HUWE1: variants seen among roughly 807,000 people sequenced by gnomAD.
HUWE1 encodes HECT, UBA and WWE domain containing E3 ubiquitin protein ligase 1, also known as E3 ubiquitin-protein ligase HUWE1.
In HUWE1, 18 loss-of-function variants were observed where a neutral mutation model predicts 299.4. The observed-to-expected ratio is 0.06, with a 90% confidence interval of 0.04 to 0.09. The LOEUF (loss-of-function observed/expected upper bound fraction) is 0.09, where lower values mean the gene tolerates loss of function less well. HUWE1 is among the 10% of genes least tolerant of loss of function. The pLI is 1.00. For synonymous variants in HUWE1, 1,317 were observed against 1,286.1 expected (o/e 1.02, Z -0.51); for missense variants, 1,832 against 3,462.3 (o/e 0.53, Z 11.82).
chrX:53,568,104 G>A (rs1307316576), intron 49 of HUWE1, among the ~76,000 whole-genome samples: 1 of 112,173 alleles, frequency 8.9e-6, no homozygotes, highest in African/African-American at 3.2e-5. Flanking sequence ...TTTAGAATAA[G>A]AGAGATTCAG....
intron 48 of HUWE1, 61 bp from the exon 49 acceptor site, chrX:53,568,935 T>C: frequency 1.0e-6 from 1 of 994,187 alleles, no homozygotes; most frequent in Admixed American, 2.6e-5. Flanking sequence ...GGCCAAGTCT[T>C]CACAAAATAG....
At chrX:53,583,274 C>T (rs1450039091) in intron 42 of HUWE1, among the ~76,000 whole-genome samples, 4 of 100,847 alleles carry the variant, frequency 4.0e-5, no homozygotes, top group African/African-American at 1.1e-4. Context: ...TCTTTACTAA[C>T]GGTTTTTGGC....
chrX:53,577,038 T>C lies in HUWE1; in HGVS notation c.5746A>G (p.Ile1916Val), dbSNP rs1556959446. The C allele has an allele frequency of 8.3e-7, 1 of 1,207,276 alleles. No homozygotes were observed. Among genetic ancestry groups the C allele is most frequent in the African/African-American group, 1.8e-5 (1 of 56,934 alleles). Reference protein sequence around the residue: ...ASDDEFENLRIKGPNAVQLVK... With the variant: ...ASDDEFENLRVKGPNAVQLVK... ...AGCTGTACAGCATTAGGGCCTTTAA[T>C]TCTAAGATTCTCAAATTCATCATCT... is the stretch of plus-strand genomic sequence containing the variant. Residue 1916 changes from isoleucine (I) to valine (V), a missense_variant, in exon 44 of 84, where the codon ATT becomes GTT. Ile to Val is a conservative substitution (Grantham distance 29, BLOSUM62 3). Coordinates refer to ENST00000262854, the MANE Select transcript of HUWE1 (RefSeq NM_031407.7).
chrX:53,648,530 C>CAAAAAAAA (rs1235327907), intron 4 of HUWE1, among the ~76,000 whole-genome samples: 1 of 94,743 alleles, frequency 1.1e-5, no homozygotes, highest in African/African-American at 4.5e-5. Context: ...GCTTAAAAAA[C>CAAAAAAAA]AAAAAAAAAC....
intron 2 of HUWE1, chrX:53,683,871 T>A: frequency 1.0e-5 from 1 of 99,041 alleles, no homozygotes; most frequent in Admixed American, 2.0e-4. Context: ...ACCCGCGAGC[T>A]ACCTCAGCCA....
At position 53,539,803 on chromosome X, in the gene HUWE1, C is replaced by T; in HGVS notation, c.11486G>A (p.Gly3829Glu). The T allele has an allele frequency of 8.3e-7, 1 of 1,208,548 alleles. No individual in the cohort carries two copies. The highest frequency in any genetic ancestry group is 2.2e-5 in the Admixed American group (1 of 45,690). ...AQDTQSIASD[G>E]TPQGEKEKEE... ...CTTTTCCTTCTCCCCCTGTGGGGTT[C>T]CATCGGAGGCTGGAGGGCACACAGA... The change falls in exon 75 of 84, where the codon GGA (glycine) becomes GAA (glutamate). Residue 3829 changes from glycine (G) to glutamate (E), a missense_variant. Gly to Glu is a moderately conservative substitution (Grantham distance 98, BLOSUM62 -2). Coordinates refer to ENST00000262854, the MANE Select transcript of HUWE1 (RefSeq NM_031407.7).
intron 70 of HUWE1, among the ~76,000 whole-genome samples, chrX:53,545,847 T>TGGG (rs1350432963): frequency 2.2e-4 from 24 of 111,111 alleles, no homozygotes; most frequent in African/African-American, 7.9e-4. Context: ...GGGATGAGGG[T>TGGG]GGGACAGGGT....
intron 63 of HUWE1, among the ~76,000 whole-genome samples, chrX:53,551,722 A>G (rs898146182): frequency 1.8e-5 from 2 of 111,666 alleles, no homozygotes; most frequent in South Asian, 7.5e-4. Flanking sequence ...TATGTTGCCC[A>G]GGCTGGTCTT....
intron 47 of HUWE1, 53 bp downstream of exon 47, chrX:53,573,697 C>T: frequency 9.8e-7 from 1 of 1,017,930 alleles, no homozygotes. Flanking sequence ...ACAGGCGGTA[C>T]CCAAATGATG....
chrX:53,595,062 G>T, intron 30 of HUWE1, 125 bp downstream of exon 30: 2 of 552,547 alleles, frequency 3.6e-6, no homozygotes, highest in Non-Finnish European at 6.0e-6. Flanking sequence ...TCATTTTCTA[G>T]AGTAAACAAG....
At chrX:53,669,536 C>A (rs141923400) in intron 3 of HUWE1, among the ~76,000 whole-genome samples, 52 of 112,413 alleles carry the variant, frequency 4.6e-4, no homozygotes, top group Non-Finnish European at 8.8e-4. Context: ...AAAGCACTAT[C>A]TGTAGTACTT....
chrX:53,588,570 G>A lies in HUWE1; in HGVS notation c.4462-36C>T, dbSNP rs201974714. 118 of 1,165,116 alleles carry A rather than the reference G, an allele frequency of 1.0e-4. No individual in the cohort carries two copies. Among genetic ancestry groups the A allele is most frequent in the East Asian group, 7.9e-4 (26 of 32,765 alleles). ...AAAAAAAGGGTTAAGTCACGGAACC[G>A]CAGAGCAAGATGAGGTTTCTGAAAA... On this transcript the variant is annotated intron_variant, in intron 36 of 83. Transcript: ENST00000262854.
chrX:53,617,509 A>G (rs999675846), intron 19 of HUWE1, 63 bp from the exon 20 acceptor site: 9 of 682,665 alleles, frequency 1.3e-5, no homozygotes, highest in Non-Finnish European at 2.1e-5. Context: ...AAAACAAAAC[A>G]CCAAAAGCTT....
intron 3 of HUWE1, among the ~76,000 whole-genome samples, chrX:53,666,578 C>T (rs1163681208): frequency 2.7e-5 from 3 of 111,727 alleles, no homozygotes; most frequent in Non-Finnish European, 3.8e-5. Context: ...CAAAACCTAC[C>T]TACATCAAGT....
At chrX:53,533,725 G>T in intron 83 of HUWE1, 1 of 440,454 alleles carries the variant, frequency 2.3e-6, no homozygotes. Flanking sequence ...GAGCTCTTTA[G>T]ACTTTTGCTC....
At position 53,568,802 on chromosome X, in the gene HUWE1, A is replaced by G; in HGVS notation, c.6597T>C (p.Ser2199=). 8.3e-7 allele frequency: 1 copy of G among 1,209,533 alleles called. No homozygotes were observed. ...SCPSTSSFYS[S]ATAKTQHNGM... is the part of the protein sequence containing the mutation. The stretch of plus-strand genomic sequence containing the variant: ...CATTGTGCTGGGTCTTCGCTGTGGC[A>G]CTGCTGTAGAAGCTGGAGGTGGAGG... The change falls in exon 49 of 84, where the codon AGT becomes AGC. Residue 2199 remains serine, a synonymous_variant. Transcript: ENST00000262854.
rs1556959971 is a variant in HUWE1, at chrX:53,577,468, A to AAAAAAAAAC, written c.5717-410_5717-402dup. Among the ~76,000 whole-genome samples the AAAAAAAAAC allele has an allele frequency of 1.5e-3, 152 of 98,393 alleles. 1 individual carries two copies. The highest frequency in any genetic ancestry group is 5.3e-3 in the African/African-American group (146 of 27,338). The allele number at this position is 98,393 out of a possible 115,157, so 85.4% of individuals were successfully genotyped here. On this transcript the variant is annotated intron_variant, in intron 43 of 83. Coordinates refer to ENST00000262854, the MANE Select transcript of HUWE1 (RefSeq NM_031407.7). Reference sequence around the variant, plus strand: ...TCCCAACGTTTTATTAAAAAAAAAAAAAAAAAAACTCCCTCTCCCTCCTCT... The same window carrying AAAAAAAAAC: ...TCCCAACGTTTTATTAAAAAAAAAAAAAAAAAAACAAAAAAAACTCCCTCTCCCTCCTCT...
chrX:53,550,052 G>A (rs782045359), intron 66 of HUWE1, among the ~76,000 whole-genome samples: 79 of 111,005 alleles, frequency 7.1e-4, no homozygotes, highest in South Asian at 6.6e-3. Context: ...ACAACTGGCC[G>A]AGAACCACCC....
chrX:53,604,755 T>C lies in HUWE1; in HGVS notation c.2576A>G (p.His859Arg). 1 of 1,211,322 alleles carries C rather than the reference T, an allele frequency of 8.3e-7. No individual in the cohort carries two copies. The highest frequency in any genetic ancestry group is 1.1e-6 in the Non-Finnish European group (1 of 895,119). Reference protein sequence around the residue: ...DSILSSLEPLHRPIESPGGSV... With the variant: ...DSILSSLEPLRRPIESPGGSV... ...GCCCCCAGGGGATTCAATGGGGCGG[T>C]GTAAGGGCTCCAGGGAGGAGAGGAT... Residue 859 changes from histidine (H) to arginine (R), a missense_variant, in exon 26 of 84, where the codon CAC becomes CGC. His to Arg is a conservative substitution (Grantham distance 29, BLOSUM62 0). Coordinates refer to ENST00000262854, the MANE Select transcript of HUWE1 (RefSeq NM_031407.7).
Sources: gnomAD v4.1 joint callset for allele counts (sites outside exome capture counted in the v4.1 genomes callset) on GRCh38, gnomAD v4.1.1 for gene constraint, MANE v1.5 for transcripts, NCBI Gene and HGNC (gene_info 2026-07-23, HGNC 2026-07-21) for gene names.